The following KLHL1 variants were observed in gnomAD, a reference collection of about 807,000 sequenced individuals.
The protein encoded by KLHL1 is kelch like family member 1.
KLHL1 carries 47 observed loss-of-function variants against 77.7 expected under a neutral mutation model. The observed-to-expected ratio is 0.60, with a 90% confidence interval of 0.48 to 0.77. The LOEUF is 0.77. KLHL1 is among the 30% of genes least tolerant of loss of function. The pLI is 0.00. For synonymous variants in KLHL1, 360 were observed against 325.2 expected, an observed-to-expected ratio of 1.11 and a Z score of -1.15; for missense variants, 925 against 910.8, an observed-to-expected ratio of 1.02 and a Z score of -0.20.
chr13:70,094,737 T>G (rs1887748193), intron 1 of KLHL1, among the ~76,000 whole-genome samples: 1 of 152,058 alleles, frequency 6.6e-6, no homozygotes, highest in Admixed American at 6.6e-5. Flanking sequence ...CGGCCAAGTG[T>G]TTCTAAGACA....
chr13:69,953,326 CA>C (rs1380736659), intron 3 of KLHL1, among the ~76,000 whole-genome samples: 1 of 151,030 alleles, frequency 6.6e-6, no homozygotes, highest in Non-Finnish European at 1.5e-5. Context: ...TATATGATGC[CA>C]GTTGTTACTA....
intron 5 of KLHL1, among the ~76,000 whole-genome samples, chr13:69,840,488 T>G (rs866177643): frequency 2.4e-4 from 37 of 151,952 alleles, no homozygotes; most frequent in African/African-American, 8.9e-4. Flanking sequence ...TCTCCCAGAT[T>G]GCTGGGATTA....
Position 69,858,166 on chromosome 13 carries a change from C to T in KLHL1, c.1228-19004G>A, listed in dbSNP as rs139638142. ...ACACCCAGAGACATTTCAGCCATGT[C>T]GTCCAGGACCCAGAGAAGAGTATGT... is the stretch of plus-strand genomic sequence containing the variant. On this transcript the variant is annotated intron_variant, in intron 5 of 10. Coordinates refer to ENST00000377844, the MANE Select transcript of KLHL1 (RefSeq NM_020866.3). 3.9e-3 allele frequency among the ~76,000 whole-genome samples: 596 copies of T among 152,110 alleles called. 4 individuals are homozygous for T. The highest frequency in any genetic ancestry group is 0.013 in the African/African-American group (540 of 41,538).
intron 5 of KLHL1, among the ~76,000 whole-genome samples, chr13:69,872,660 C>T (rs1268156174): frequency 6.6e-6 from 1 of 152,160 alleles, no homozygotes; most frequent in Non-Finnish European, 1.5e-5. Flanking sequence ...CTCCCAGTGG[C>T]CTCCTTACTT....
chr13:69,998,592 C>T (rs935302342), intron 1 of KLHL1, among the ~76,000 whole-genome samples: 3 of 152,068 alleles, frequency 2.0e-5, no homozygotes, highest in African/African-American at 7.2e-5. Flanking sequence ...CCCCTTGGTA[C>T]TTATTTCTCC....
intron 1 of KLHL1, among the ~76,000 whole-genome samples, chr13:70,068,203 T>C (rs1223147019): frequency 3.3e-5 from 5 of 151,618 alleles, no homozygotes; most frequent in African/African-American, 7.3e-5. Flanking sequence ...TGGCCGGGCG[T>C]GGTGGCGGGC....
chr13:70,020,208 T>C (rs1885754500), intron 1 of KLHL1, among the ~76,000 whole-genome samples: 1 of 152,128 alleles, frequency 6.6e-6, no homozygotes, highest in African/African-American at 2.4e-5. Context: ...AAAACCAAAG[T>C]TATATTCTAA....
intron 4 of KLHL1, among the ~76,000 whole-genome samples, chr13:69,919,849 TTC>T (rs1276354614): frequency 2.6e-5 from 4 of 152,206 alleles, no homozygotes; most frequent in African/African-American, 9.6e-5. Context: ...TTTATTTCAG[TTC>T]TGACTATTCC....
intron 1 of KLHL1, among the ~76,000 whole-genome samples, chr13:70,084,397 C>T (rs1887468834): frequency 6.6e-6 from 1 of 151,352 alleles, no homozygotes. Context: ...AAAGTGAAAG[C>T]ATGAAATATA....
At chr13:69,960,242 T>C (rs778582656) in intron 3 of KLHL1, among the ~76,000 whole-genome samples, 7 of 151,686 alleles carry the variant, frequency 4.6e-5, no homozygotes, top group Non-Finnish European at 1.0e-4. Context: ...TGGACTCCAG[T>C]GGCTGATCTT....
chr13:69,817,120 T>G (rs1878152976), intron 6 of KLHL1, among the ~76,000 whole-genome samples: 1 of 152,174 alleles, frequency 6.6e-6, no homozygotes. Flanking sequence ...AATATTTATT[T>G]TTATAACTAA....
Position 69,813,312 on chromosome 13 carries a change from C to T in KLHL1, c.1415-16350G>A, listed in dbSNP as rs577790473. 7.5e-3 allele frequency among the ~76,000 whole-genome samples: 1,099 copies of T among 147,408 alleles called. 8 individuals carry two copies. The highest frequency in any genetic ancestry group is 0.014 in the Middle Eastern group (4 of 288). On this transcript the variant is annotated intron_variant, in intron 6 of 10. Coordinates refer to ENST00000377844, the MANE Select transcript of KLHL1 (RefSeq NM_020866.3). Reference sequence around the variant, plus strand: ...ACACAGGAAGGGGAACATCACACACCGGGGCCTGTTGTGGGGTGGGGGGAG... The same window carrying T: ...ACACAGGAAGGGGAACATCACACACTGGGGCCTGTTGTGGGGTGGGGGGAG...
intron 8 of KLHL1, among the ~76,000 whole-genome samples, chr13:69,732,931 A>G (rs575010665): frequency 6.6e-6 from 1 of 152,144 alleles, no homozygotes; most frequent in Non-Finnish European, 1.5e-5. Context: ...CCCTTCCCCA[A>G]GCTTCTAAAT....
At chr13:69,856,994 C>A (rs2161760) in intron 5 of KLHL1, among the ~76,000 whole-genome samples, 44,501 of 151,758 alleles carry the variant, frequency 0.29, 6,868 homozygotes, top group African/African-American at 0.39. Flanking sequence ...AAATACAATC[C>A]TGCTGTTTCC....
At chr13:70,104,930 T>G (rs1049313308) in intron 1 of KLHL1, among the ~76,000 whole-genome samples, 1 of 152,106 alleles carries the variant, frequency 6.6e-6, no homozygotes, top group Non-Finnish European at 1.5e-5. Context: ...TATTAAAATA[T>G]TATATACTGA....
chr13:69,877,758 T>A (rs990326687), intron 5 of KLHL1, among the ~76,000 whole-genome samples: 1 of 152,178 alleles, frequency 6.6e-6, no homozygotes, highest in Non-Finnish European at 1.5e-5. Context: ...ACAGTGTTGC[T>A]TCTGAGTCTT....
intron 5 of KLHL1, among the ~76,000 whole-genome samples, chr13:69,855,240 G>A (rs1194596317): frequency 6.6e-6 from 1 of 151,856 alleles, no homozygotes; most frequent in Non-Finnish European, 1.5e-5. Context: ...GTCAGAGAGT[G>A]ATGCCAGAAC....
intron 1 of KLHL1, among the ~76,000 whole-genome samples, chr13:70,064,518 C>T (rs1197156636): frequency 1.3e-5 from 2 of 152,132 alleles, no homozygotes; most frequent in South Asian, 2.1e-4. Context: ...TGCTGCTTCA[C>T]GTTAGCTCCT....
At position 69,838,620 on chromosome 13, in the gene KLHL1, C is replaced by A. The variant is rs372449939; in HGVS notation, c.1414+356G>T. Among the ~76,000 whole-genome samples the A allele has an allele frequency of 2.7e-4, 41 of 151,892 alleles. No homozygotes were observed. The East Asian group carries it at 5.0e-3, about 19-fold the overall frequency. ...TCTCAACTTCTCAAAGACAGAGATT[C>A]TTTTCATAATTGAGATCCCAGCAAG... On this transcript the variant is annotated intron_variant, in intron 6 of 10. Coordinates refer to ENST00000377844, the MANE Select transcript of KLHL1 (RefSeq NM_020866.3).
Sources: allele counts gnomAD v4.1 joint callset (sites outside exome capture counted in the v4.1 genomes callset), GRCh38; gene constraint gnomAD v4.1.1; transcripts MANE v1.5; gene names NCBI Gene and HGNC (gene_info 2026-07-23, HGNC 2026-07-21).